Variants in KIAA1614 observed in about 807,000 individuals in gnomAD.
KIAA1614 encodes KIAA1614.
In KIAA1614, 76 loss-of-function variants were observed where a neutral mutation model predicts 88.7. The ratio of observed to expected loss-of-function variants is 0.86; its 90% CI spans 0.71 to 1.04. The LOEUF (loss-of-function observed/expected upper bound fraction) is 1.04. KIAA1614 is among the 50% of genes least tolerant of loss of function. KIAA1614 has a pLI of 0.00. For missense variants in KIAA1614, 1,553 were observed against 1,582.5 expected, an observed-to-expected ratio of 0.98 and a Z score of 0.32; for synonymous variants, 714 against 675.5, an observed-to-expected ratio of 1.06 and a Z score of -0.88.
intron 4 of KIAA1614, among the ~76,000 whole-genome samples, chr1:180,931,689 G>A (rs1654200976): frequency 6.6e-6 from 1 of 152,366 alleles, no homozygotes; most frequent in Non-Finnish European, 1.5e-5. Flanking sequence ...CCTCTGCAGT[G>A]AATTCCAGGA....
At position 180,945,435 on chromosome 1, in the gene KIAA1614, AG is replaced by A; in HGVS notation, c.3425del (p.Gly1142AlafsTer61). ...TSQLQLQRSP[G>X]GTFGFCVASG... is the part of the protein sequence containing the mutation. The stretch of plus-strand genomic sequence containing the variant: ...GCCAGCTGCAGCTGCAGCGCTCCCC[AG>A]GGGGCACTTTCGGCTTCTGCGTGGC... On this transcript the variant is annotated frameshift_variant, in exon 9 of 9. Transcript: ENST00000367588. LOFTEE classifies it low-confidence loss of function (END_TRUNC). 6.2e-7 allele frequency: 1 copy of A among 1,611,476 alleles called. No homozygotes were observed. The highest frequency in any genetic ancestry group is 8.5e-7 in the Non-Finnish European group (1 of 1,179,314).
intron 4 of KIAA1614, among the ~76,000 whole-genome samples, chr1:180,929,233 G>A (rs538493672): frequency 4.6e-5 from 7 of 152,312 alleles, no homozygotes; most frequent in South Asian, 4.1e-4. Flanking sequence ...TTAGAACAGC[G>A]CCCGCCATGC....
intron 2 of KIAA1614, 90 bp downstream of exon 2, chr1:180,917,190 G>A: frequency 3.0e-6 from 3 of 1,000,670 alleles, no homozygotes; most frequent in Middle Eastern, 3.0e-4. Flanking sequence ...CACAGAGGGA[G>A]TGGGGCAGGA....
In KIAA1614 at chr1:180,945,782, G is replaced by C. The variant is rs1433580541; in HGVS notation, c.*194G>C. The stretch of plus-strand genomic sequence containing the variant: ...TAGAGTTGGCAGGTTTGACTCCACT[G>C]TCCCCCTGCTGTCTGATGACATCTT... On this transcript the variant is annotated 3_prime_UTR_variant, in exon 9 of 9. Transcript: ENST00000367588. 7.4e-7 allele frequency: 1 copy of C among 1,355,830 alleles called. No homozygotes were observed. The highest frequency in any genetic ancestry group is 1.5e-5 in the African/African-American group (1 of 65,352). 84.0% of individuals were successfully genotyped at this position (1,355,830 alleles called of 1,614,324 possible).
Position 180,913,060 on chromosome 1 carries a change from G to A in KIAA1614, c.-184G>A, listed in dbSNP as rs1653688553. On this transcript the variant is annotated 5_prime_UTR_variant, in exon 1 of 9. Transcript: ENST00000367588. ...CCCACCCGGGGCCCGGGGGCTGCCA[G>A]CAGAGCCGGGAGCTGGCCCGGCCTC... is the stretch of plus-strand genomic sequence containing the variant. The A allele has an allele frequency of 2.9e-6, 1 of 343,684 alleles. No individual in the cohort carries two copies. The highest frequency in any genetic ancestry group is 5.1e-6 in the Non-Finnish European group (1 of 195,156). The allele number at this position is 343,684 out of a possible 1,614,324, so 21.3% of individuals were successfully genotyped here. A position where few individuals can be genotyped will look rare whatever the true frequency, so the allele number is the denominator to read the frequency against.
intron 7 of KIAA1614, among the ~76,000 whole-genome samples, chr1:180,943,027 G>GTTTTTTTTTTTTTTTTTTTTTTTTTTTT (rs1261396134): frequency 1.8e-4 from 4 of 22,326 alleles, no homozygotes; most frequent in African/African-American, 3.8e-4. Flanking sequence ...TAGTTTTTTG[G>GTTTTTTTTTTTTTTTTTTTTTTTTTTTT]GTTTTTTTTT....
rs765281979 is a variant in KIAA1614, at chr1:180,916,536, C to G, written c.433C>G (p.Gln145Glu). 18 of 1,613,244 alleles carry G rather than the reference C, an allele frequency of 1.1e-5. No individual in the cohort carries two copies. Among genetic ancestry groups the G allele is most frequent in the Non-Finnish European group, 3.4e-6 (4 of 1,179,604 alleles). Residue 145 changes from glutamine to glutamate, a missense_variant, in exon 2 of 9, where the codon CAA becomes GAA. By Grantham distance (29) the Gln-to-Glu change is conservative. Transcript: ENST00000367588. ...LPGAVVAPRT[Q>E]NLPDGQLDGS... ...AGGTGCTGTGGTGGCTCCTCGTACCCAAAACCTGCCTGATGGGCAGCTGGA... is the reference window on the plus strand; with the variant it reads ...AGGTGCTGTGGTGGCTCCTCGTACCGAAAACCTGCCTGATGGGCAGCTGGA...
Position 180,916,284 on chromosome 1 carries a change from A to G in KIAA1614, c.181A>G (p.Thr61Ala). ...CTGGCCTTGCCCTCAGGAAAACAGA[A>G]CATCCAGCCTGATGGCCCCCCAGCC... Reference protein sequence around the residue: ...RPWPCPQENRTSSLMAPQPPR... With the variant: ...RPWPCPQENRASSLMAPQPPR... The change falls in exon 2 of 9, where the codon ACA (threonine) becomes GCA (alanine). Residue 61 changes from threonine (T) to alanine (A), a missense_variant. By Grantham distance (58) the Thr-to-Ala change is moderately conservative. Coordinates refer to ENST00000367588, the MANE Select transcript of KIAA1614 (RefSeq NM_020950.2). 6.2e-7 allele frequency: 1 copy of G among 1,613,954 alleles called. No homozygotes were observed. The highest frequency in any genetic ancestry group is 8.5e-7 in the Non-Finnish European group (1 of 1,179,982).
intron 3 of KIAA1614, among the ~76,000 whole-genome samples, chr1:180,923,132 A>G (rs1245588807): frequency 6.6e-6 from 1 of 152,226 alleles, no homozygotes; most frequent in Non-Finnish European, 1.5e-5. Flanking sequence ...TCACAAGCCC[A>G]GCTGTCCTGA....
In KIAA1614 at chr1:180,941,083, C is replaced by A. The variant is rs765647926; in HGVS notation, c.2957C>A (p.Ser986Ter). 6.2e-7 allele frequency: 1 copy of A among 1,611,872 alleles called. No homozygotes were observed. Among genetic ancestry groups the A allele is most frequent in the Non-Finnish European group, 8.5e-7 (1 of 1,179,390 alleles). ...GCTGGCACAGGACCCGGCTCCCCCT[C>A]GGCTGCCCCTTTGGACCAGAACAAG... The part of the protein sequence containing the change: ...AGAGTGPGSP[S>*]AAPLDQNKKR... The change falls in exon 7 of 9, where the codon TCG (serine) becomes TAG (stop). Residue 986 changes from serine (S) to a stop codon, truncating the protein, a stop_gained. Transcript: ENST00000367588. LOFTEE classifies it high-confidence loss of function.
chr1:180,929,684 T>C (rs1654150045), intron 4 of KIAA1614, among the ~76,000 whole-genome samples: 1 of 152,212 alleles, frequency 6.6e-6, no homozygotes, highest in Non-Finnish European at 1.5e-5. Flanking sequence ...ACATGTGGAC[T>C]TCACCACCAC....
chr1:180,927,719 G>T (rs1302936829), intron 3 of KIAA1614, among the ~76,000 whole-genome samples: 2 of 152,170 alleles, frequency 1.3e-5, no homozygotes, highest in Non-Finnish European at 2.9e-5. Context: ...AGCACATCTG[G>T]TAGGGGGTGG....
chr1:180,934,972 C>A (rs1364983620), intron 4 of KIAA1614, 143 bp from the exon 5 acceptor site: 2 of 535,848 alleles, frequency 3.7e-6, no homozygotes, highest in Non-Finnish European at 5.9e-6. Flanking sequence ...CCCAGAAATC[C>A]TCTCTGGAGT....
intron 3 of KIAA1614, among the ~76,000 whole-genome samples, chr1:180,925,035 C>T (rs1311286267): frequency 6.6e-6 from 1 of 152,068 alleles, no homozygotes; most frequent in African/African-American, 2.4e-5. Flanking sequence ...GGCTCAACTC[C>T]TAAGTAACCT....
intron 3 of KIAA1614, among the ~76,000 whole-genome samples, chr1:180,922,136 C>T (rs760464182): frequency 1.3e-5 from 2 of 152,260 alleles, no homozygotes; most frequent in Non-Finnish European, 2.9e-5. Context: ...GGCCCAGGCA[C>T]ACCCTGGTGC....
intron 3 of KIAA1614, chr1:180,928,055 C>T (rs181667975): frequency 2.9e-5 from 5 of 173,542 alleles, no homozygotes; most frequent in Admixed American, 6.3e-5. Flanking sequence ...CCAACAACCC[C>T]GGGCCCTTTC....
At chr1:180,919,332 TC>T (rs1408884364) in intron 3 of KIAA1614, among the ~76,000 whole-genome samples, 1 of 152,074 alleles carries the variant, frequency 6.6e-6, no homozygotes, top group Non-Finnish European at 1.5e-5. Flanking sequence ...AGGAATCTCT[TC>T]CCCTACCTCC....
chr1:180,921,625 G>A (rs1653953616), intron 3 of KIAA1614, among the ~76,000 whole-genome samples: 1 of 152,168 alleles, frequency 6.6e-6, no homozygotes, highest in Admixed American at 6.6e-5. Context: ...GGATCTGGGG[G>A]TCTCCTTCCC....
chr1:180,931,913 T>A (rs150171738), intron 4 of KIAA1614, among the ~76,000 whole-genome samples: 7 of 152,196 alleles, frequency 4.6e-5, no homozygotes, highest in African/African-American at 1.7e-4. Context: ...AATCTCCCTG[T>A]GGGCCTTTGC....
Sources: gnomAD v4.1 joint callset for allele counts (sites outside exome capture counted in the v4.1 genomes callset) on GRCh38, gnomAD v4.1.1 for gene constraint, MANE v1.5 for transcripts, NCBI Gene and HGNC (gene_info 2026-07-23, HGNC 2026-07-21) for gene names.